Variants in CMTM8 observed in about 807,000 individuals in gnomAD.
The protein encoded by CMTM8 is CKLF like MARVEL transmembrane domain containing 8.
Under a neutral mutation model 18.6 loss-of-function variants are expected in CMTM8, and 12 were observed. The ratio of observed to expected loss-of-function variants is 0.65; its 90% CI spans 0.41 to 1.05. The LOEUF is 1.05. Among genes scored for constraint, CMTM8 ranks in the 50% least tolerant of loss-of-function variants. The pLI is 0.00. For synonymous variants in CMTM8, 87 were observed against 90.6 expected (o/e 0.96, Z 0.23); for missense variants, 217 against 227.2 (o/e 0.95, Z 0.29).
intron 1 of CMTM8, among the ~76,000 whole-genome samples, chr3:32,280,042 AT>A (rs34710543): frequency 0.47 from 71,715 of 151,720 alleles, 16,974 homozygotes; most frequent in South Asian, 0.55. Flanking sequence ...ATAATTAGTG[AT>A]TTTTTTAAGA....
chr3:32,286,974 G>A (rs1011130302), intron 1 of CMTM8, among the ~76,000 whole-genome samples: 4 of 152,236 alleles, frequency 2.6e-5, no homozygotes, highest in Admixed American at 6.5e-5. Context: ...GGCTCTGAGC[G>A]TGGGCAGATC....
At chr3:32,319,186 C>G (rs989692719) in intron 1 of CMTM8, among the ~76,000 whole-genome samples, 1 of 147,010 alleles carries the variant, frequency 6.8e-6, no homozygotes, top group Non-Finnish European at 1.5e-5. Context: ...TCAAGGGATT[C>G]TCCTGTCTCA....
chr3:32,320,996 A>G (rs1696034472), intron 1 of CMTM8, among the ~76,000 whole-genome samples: 1 of 152,150 alleles, frequency 6.6e-6, no homozygotes, highest in Non-Finnish European at 1.5e-5. Flanking sequence ...TTTGTACTTC[A>G]TAGGCAACAG....
At chr3:32,272,047 G>C (rs1400987368) in intron 1 of CMTM8, among the ~76,000 whole-genome samples, 2 of 152,002 alleles carry the variant, frequency 1.3e-5, no homozygotes, top group Admixed American at 1.3e-4. Flanking sequence ...ATTTTTGTCA[G>C]GAAATCTTTT....
intron 1 of CMTM8, among the ~76,000 whole-genome samples, chr3:32,339,144 T>C (rs73069443): frequency 6.6e-6 from 1 of 152,200 alleles, no homozygotes; most frequent in African/African-American, 2.4e-5. Flanking sequence ...CCAGCTTACC[T>C]TCAAGAAGAG....
Position 32,369,771 on chromosome 3 carries a change from G to T in CMTM8, c.439-113G>T, listed in dbSNP as rs1223530173. 1.7e-5 allele frequency: 10 copies of T among 584,542 alleles called. No individual in the cohort carries two copies. The East Asian group carries it at 2.7e-4, about 16-fold the overall frequency. The allele number at this position is 584,542 out of a possible 1,614,324, so 36.2% of individuals were successfully genotyped here. A position where few individuals can be genotyped will look rare whatever the true frequency, so the allele number is the denominator to read the frequency against. On this transcript the variant is annotated intron_variant, in intron 3 of 3. Transcript: ENST00000307526. ...CAATAAAGTAGTTTTAGATGGCAAA[G>T]CCTGGTATCAAGAAAAGGTAGTGAG...
chr3:32,363,301 G>A (rs935064919), intron 2 of CMTM8, among the ~76,000 whole-genome samples: 5 of 152,276 alleles, frequency 3.3e-5, no homozygotes, highest in African/African-American at 1.2e-4. Flanking sequence ...GTTGGCCTGT[G>A]GTCCAAGGTG....
intron 1 of CMTM8, among the ~76,000 whole-genome samples, chr3:32,350,996 T>C (rs1211623473): frequency 6.6e-6 from 1 of 152,220 alleles, no homozygotes; most frequent in African/African-American, 2.4e-5. Flanking sequence ...GTTGTCTCTT[T>C]TCCTATTCAA....
intron 1 of CMTM8, among the ~76,000 whole-genome samples, chr3:32,348,662 C>A (rs545429845): frequency 2.9e-4 from 43 of 150,644 alleles, no homozygotes; most frequent in African/African-American, 9.9e-4. Context: ...TCACACCCAG[C>A]TAATTTTTGT....
chr3:32,300,310 T>TG lies in CMTM8; in HGVS notation c.148-57058dup, dbSNP rs557856229. On this transcript the variant is annotated intron_variant, in intron 1 of 3. Coordinates refer to ENST00000307526, the MANE Select transcript of CMTM8 (RefSeq NM_178868.5). Reference sequence around the variant, plus strand: ...GTATGGGGCAGGACCCTTTCTGGAATGGGGGTCTTATGAACTACAACCAAA... The same window carrying TG: ...GTATGGGGCAGGACCCTTTCTGGAATGGGGGGTCTTATGAACTACAACCAAA... 6.6e-5 allele frequency among the ~76,000 whole-genome samples: 10 copies of TG among 152,330 alleles called. No homozygotes were observed. The South Asian group carries it at 1.9e-3, about 28-fold the overall frequency.
chr3:32,269,624 G>A (rs148464290), intron 1 of CMTM8, among the ~76,000 whole-genome samples: 2 of 152,192 alleles, frequency 1.3e-5, no homozygotes, highest in Admixed American at 1.3e-4. Context: ...AATCTCCCAA[G>A]GTATGAAAAA....
rs558453390 is a variant in CMTM8 at position 32,254,688 on chromosome 3, G to A, written c.147+15569G>A. Among the ~76,000 whole-genome samples, 43 of 151,390 alleles carry A rather than the reference G, an allele frequency of 2.8e-4. No individual in the cohort carries two copies. The South Asian group carries it at 6.3e-3, about 22-fold the overall frequency. On this transcript the variant is annotated intron_variant, in intron 1 of 3. Transcript: ENST00000307526. ...TTCCTCCTTACCTATTCCTGGCCAC[G>A]TACTTTGTGTCAGCCAACTTTCTCT...
chr3:32,290,890 G>A (rs1407019148), intron 1 of CMTM8, among the ~76,000 whole-genome samples: 1 of 152,164 alleles, frequency 6.6e-6, no homozygotes, highest in African/African-American at 2.4e-5. Context: ...GTGTGAAATG[G>A]TCGAAGAATT....
chr3:32,239,389 C>G (rs907108359), intron 1 of CMTM8, among the ~76,000 whole-genome samples: 1 of 127,052 alleles, frequency 7.9e-6, no homozygotes, highest in Non-Finnish European at 1.7e-5. Flanking sequence ...GGCGGCAGAT[C>G]CTGGGAGCAG....
chr3:32,269,269 T>G (rs542744803), intron 1 of CMTM8, among the ~76,000 whole-genome samples: 2 of 152,242 alleles, frequency 1.3e-5, no homozygotes, highest in Non-Finnish European at 2.9e-5. Flanking sequence ...TCTTCTGTTC[T>G]CAGGGAATTT....
intron 1 of CMTM8, among the ~76,000 whole-genome samples, chr3:32,251,389 C>T (rs1393062148): frequency 2.0e-5 from 3 of 152,090 alleles, no homozygotes; most frequent in Admixed American, 6.6e-5. Context: ...TCATTGCTTA[C>T]CGCAGCCTCA....
At chr3:32,361,287 T>TTTTTTTTTTGTTTTTTTTTTTTG (rs1228929205) in intron 2 of CMTM8, among the ~76,000 whole-genome samples, 1 of 33,548 alleles carries the variant, frequency 3.0e-5, no homozygotes, top group Non-Finnish European at 9.9e-5. Context: ...AGCCTAAGAG[T>TTTTTTTTTTGTTTTTTTTTTTTG]TTTTTTTTCT....
intron 1 of CMTM8, among the ~76,000 whole-genome samples, chr3:32,263,802 T>G (rs1362270249): frequency 6.6e-6 from 1 of 152,112 alleles, no homozygotes; most frequent in Non-Finnish European, 1.5e-5. Context: ...ACGTGACGAA[T>G]GCACAAGCCT....
intron 1 of CMTM8, among the ~76,000 whole-genome samples, chr3:32,255,416 A>C (rs368622739): frequency 1.3e-5 from 2 of 152,136 alleles, no homozygotes; most frequent in Non-Finnish European, 2.9e-5. Context: ...TTTCTTAGGA[A>C]TCATTGCTTG....
Sources: gnomAD v4.1 joint callset for allele counts (sites outside exome capture counted in the v4.1 genomes callset) on GRCh38, gnomAD v4.1.1 for gene constraint, MANE v1.5 for transcripts, NCBI Gene and HGNC (gene_info 2026-07-23, HGNC 2026-07-21) for gene names.